The following NRXN3 variants were observed in gnomAD, a reference collection of about 807,000 sequenced individuals.
The protein encoded by NRXN3 is neurexin III.
In NRXN3, 32 loss-of-function variants were observed where a neutral mutation model predicts 137.6. That is an observed-to-expected ratio of 0.23 (90% CI 0.18 to 0.31). The LOEUF is 0.31. Among genes scored for constraint, NRXN3 ranks in the 10% least tolerant of loss-of-function variants. The probability of loss-of-function intolerance (pLI) is 1.00; values close to 1 mark genes in which losing one functional copy is unlikely to be tolerated. For missense variants in NRXN3, 1,574 were observed against 2,062.5 expected (o/e 0.76, Z 4.59); for synonymous variants, 798 against 784.5 (o/e 1.02, Z -0.29).
At chr14:79,573,323 T>C (rs942875363) in intron 16 of NRXN3, among the ~76,000 whole-genome samples, 2 of 151,982 alleles carry the variant, frequency 1.3e-5, no homozygotes, top group Non-Finnish European at 2.9e-5. Context: ...AGGGCAGGTG[T>C]AACAACACAG....
At chr14:78,989,846 A>T (rs1037091771) in intron 15 of NRXN3, among the ~76,000 whole-genome samples, 4 of 152,210 alleles carry the variant, frequency 2.6e-5, no homozygotes, top group African/African-American at 9.7e-5. Context: ...CAGAACAGGT[A>T]TAAAGGTAAG....
At chr14:78,891,170 T>C (rs1412659411) in intron 10 of NRXN3, among the ~76,000 whole-genome samples, 1 of 151,932 alleles carries the variant, frequency 6.6e-6, no homozygotes, top group Non-Finnish European at 1.5e-5. Flanking sequence ...CTGTCCAATA[T>C]TGATACAATA....
At position 78,968,271 on chromosome 14, in the gene NRXN3, G is replaced by C; in HGVS notation, c.3067G>C (p.Asp1023His). 1 of 1,614,074 alleles carries C rather than the reference G, an allele frequency of 6.2e-7. No homozygotes were observed. Among genetic ancestry groups the C allele is most frequent in the Non-Finnish European group, 8.5e-7 (1 of 1,179,986 alleles). Residue 1023 changes from aspartate to histidine, a missense_variant, in exon 14 of 21, where the codon GAC becomes CAC. Asp to His is a moderately conservative substitution (Grantham distance 81, BLOSUM62 -1). Transcript: ENST00000335750. ...DGFQGCLASV[D>H]LNGRLPDLIN... ...CTTTCAGGGCTGTCTAGCATCAGTG[G>C]ACTTGAATGGACGCCTGCCAGACCT...
chr14:79,276,629 G>T (rs959385220), intron 15 of NRXN3, among the ~76,000 whole-genome samples: 1 of 150,294 alleles, frequency 6.7e-6, no homozygotes, highest in Non-Finnish European at 1.5e-5. Context: ...GCCTAGCAGA[G>T]AATTAATTGG....
intron 4 of NRXN3, among the ~76,000 whole-genome samples, chr14:78,357,548 A>G (rs1455392374): frequency 6.6e-6 from 1 of 152,132 alleles, no homozygotes; most frequent in East Asian, 1.9e-4. Context: ...TTGTGGGACT[A>G]TAGGTTTCTG....
chr14:78,846,190 A>G (rs763052721), intron 10 of NRXN3, among the ~76,000 whole-genome samples: 6 of 152,026 alleles, frequency 3.9e-5, no homozygotes, highest in Non-Finnish European at 7.4e-5. Context: ...CAAAGCTAAC[A>G]TGATTTTAGA....
chr14:79,011,413 C>A (rs1394872424), intron 15 of NRXN3, among the ~76,000 whole-genome samples: 2 of 119,640 alleles, frequency 1.7e-5, no homozygotes, highest in East Asian at 5.0e-4. Context: ...CACCCCATAC[C>A]TAGATGTTGG....
intron 16 of NRXN3, among the ~76,000 whole-genome samples, chr14:79,510,855 GTAATTAAAAATAA>G (rs1567337541): frequency 6.6e-6 from 1 of 152,086 alleles, no homozygotes; most frequent in Non-Finnish European, 1.5e-5. Flanking sequence ...GAGACTACGA[GTAATTAAAAATAA>G]CTCCCAGCTC....
At chr14:79,829,506 T>C (rs1443378522) in intron 20 of NRXN3, among the ~76,000 whole-genome samples, 1 of 152,232 alleles carries the variant, frequency 6.6e-6, no homozygotes, top group East Asian at 1.9e-4. Flanking sequence ...ATTTGTTAAG[T>C]GACATAGCAC....
intron 20 of NRXN3, among the ~76,000 whole-genome samples, chr14:79,832,548 C>T (rs774805052): frequency 6.6e-6 from 1 of 152,102 alleles, no homozygotes; most frequent in African/African-American, 2.4e-5. Flanking sequence ...TTGATTGCCA[C>T]AACTGGGAAG....
At chr14:78,842,844 A>G (rs1596403299) in intron 10 of NRXN3, among the ~76,000 whole-genome samples, 1 of 152,272 alleles carries the variant, frequency 6.6e-6, no homozygotes, top group African/African-American at 2.4e-5. Flanking sequence ...AAGAAGAGAA[A>G]TGTGGCTCTG....
intron 15 of NRXN3, among the ~76,000 whole-genome samples, chr14:79,388,016 T>C (rs1243945255): frequency 1.3e-5 from 2 of 150,934 alleles, no homozygotes; most frequent in Non-Finnish European, 3.0e-5. Context: ...GACGAGTTAA[T>C]GGGTGCAGCA....
chr14:79,079,104 C>T (rs893581081), intron 15 of NRXN3, among the ~76,000 whole-genome samples: 4 of 152,188 alleles, frequency 2.6e-5, no homozygotes, highest in African/African-American at 9.7e-5. Flanking sequence ...TCATTCTCTT[C>T]CTGGCACTCT....
intron 4 of NRXN3, among the ~76,000 whole-genome samples, chr14:78,362,949 G>A (rs2085353358): frequency 1.3e-5 from 2 of 152,198 alleles, no homozygotes; most frequent in Non-Finnish European, 2.9e-5. Context: ...CATAGGTATT[G>A]CATGAGAAAA....
intron 15 of NRXN3, among the ~76,000 whole-genome samples, chr14:79,354,413 T>TTC (rs1408608072): frequency 6.6e-6 from 1 of 152,190 alleles, no homozygotes; most frequent in Non-Finnish European, 1.5e-5. Context: ...ATAAACATTT[T>TTC]TTAAAAAAAT....
intron 16 of NRXN3, among the ~76,000 whole-genome samples, chr14:79,497,068 A>C (rs535869471): frequency 1.3e-5 from 2 of 152,202 alleles, no homozygotes; most frequent in African/African-American, 2.4e-5. Flanking sequence ...TATGTGTGAT[A>C]AGTGGCAGAG....
chr14:78,575,498 G>A (rs1402153413), intron 4 of NRXN3, among the ~76,000 whole-genome samples: 1 of 152,172 alleles, frequency 6.6e-6, no homozygotes, highest in African/African-American at 2.4e-5. Context: ...CTTGATCTCT[G>A]GGGATTCCCA....
At chr14:79,033,437 A>G (rs924714582) in intron 15 of NRXN3, among the ~76,000 whole-genome samples, 3 of 152,122 alleles carry the variant, frequency 2.0e-5, no homozygotes, top group East Asian at 1.9e-4. Flanking sequence ...AAATATCTGC[A>G]TGTTAGAGGC....
intron 15 of NRXN3, among the ~76,000 whole-genome samples, chr14:79,286,737 A>G (rs1010071337): frequency 6.6e-6 from 1 of 151,968 alleles, no homozygotes; most frequent in Non-Finnish European, 1.5e-5. Context: ...GGTGGGAACA[A>G]CTATGGTTGG....
Sources: allele counts gnomAD v4.1 joint callset (sites outside exome capture counted in the v4.1 genomes callset), GRCh38; gene constraint gnomAD v4.1.1; transcripts MANE v1.5; gene names NCBI Gene and HGNC (gene_info 2026-07-23, HGNC 2026-07-21).